The following EGFLAM variants were observed in gnomAD, a reference collection of about 807,000 sequenced individuals.
The protein encoded by EGFLAM is EGF like, fibronectin type III and laminin G domains, also known as pikachurin.
Under a neutral mutation model 113.1 loss-of-function variants are expected in EGFLAM, and 79 were observed. That is an observed-to-expected ratio of 0.70 (90% CI 0.58 to 0.84). EGFLAM has a LOEUF of 0.84. EGFLAM is among the 40% of genes least tolerant of loss of function. The probability of loss-of-function intolerance (pLI) is 0.00; values close to 1 mark genes in which losing one functional copy is unlikely to be tolerated. For missense variants in EGFLAM, 1,265 were observed against 1,291.6 expected, an observed-to-expected ratio of 0.98 and a Z score of 0.32; for synonymous variants, 504 against 487.6, an observed-to-expected ratio of 1.03 and a Z score of -0.44.
At chr5:38,314,447 A>G (rs1738538420) in intron 1 of EGFLAM, among the ~76,000 whole-genome samples, 1 of 152,162 alleles carries the variant, frequency 6.6e-6, no homozygotes, top group African/African-American at 2.4e-5. Flanking sequence ...GAATGTGAGG[A>G]TGTGGGCAGT....
At chr5:38,447,331 C>G (rs1233326989) in intron 17 of EGFLAM, among the ~76,000 whole-genome samples, 1 of 152,310 alleles carries the variant, frequency 6.6e-6, no homozygotes, top group South Asian at 2.1e-4. Flanking sequence ...GCCTAGTGCT[C>G]TCTTAACTAC....
At chr5:38,348,739 G>A (rs1194708520) in intron 3 of EGFLAM, among the ~76,000 whole-genome samples, 2 of 152,088 alleles carry the variant, frequency 1.3e-5, no homozygotes, top group African/African-American at 4.8e-5. Flanking sequence ...CTGTTTTTAA[G>A]GTGTGTGAGT....
chr5:38,405,249 A>G (rs1371611418), intron 6 of EGFLAM, among the ~76,000 whole-genome samples: 1 of 152,212 alleles, frequency 6.6e-6, no homozygotes, highest in Non-Finnish European at 1.5e-5. Context: ...CTTAAGAAAC[A>G]GAATATGATG....
At chr5:38,354,912 TAGA>T (rs1303909022) in intron 5 of EGFLAM, among the ~76,000 whole-genome samples, 2 of 152,136 alleles carry the variant, frequency 1.3e-5, no homozygotes, top group Non-Finnish European at 2.9e-5. Flanking sequence ...CACCTGAAAG[TAGA>T]AGATGAAAGA....
intron 6 of EGFLAM, among the ~76,000 whole-genome samples, chr5:38,404,218 G>A (rs1741206472): frequency 1.3e-5 from 2 of 152,160 alleles, no homozygotes; most frequent in South Asian, 4.1e-4. Context: ...GAGTGCTATG[G>A]TCGGAATGTT....
intron 19 of EGFLAM, among the ~76,000 whole-genome samples, chr5:38,454,061 G>A (rs1743007040): frequency 6.6e-6 from 1 of 152,182 alleles, no homozygotes; most frequent in Non-Finnish European, 1.5e-5. Flanking sequence ...GCTGAACCCA[G>A]GCCGAGGTCG....
At position 38,258,768 on chromosome 5, in the gene EGFLAM, G is replaced by C. The variant is rs371610360; in HGVS notation, c.14G>C (p.Arg5Pro). 13 of 1,610,982 alleles carry C rather than the reference G, an allele frequency of 8.1e-6. No individual in the cohort carries two copies. The Admixed American group carries it at 2.0e-4, about 25-fold the overall frequency. The change falls in exon 1 of 22, where the codon CGA (arginine) becomes CCA (proline). Residue 5 changes from arginine (R) to proline (P), a missense_variant. Arg to Pro is a moderately radical substitution (Grantham distance 103). Coordinates refer to ENST00000322350, the MANE Select transcript of EGFLAM (RefSeq NM_152403.4). Reference protein sequence around the residue: MDLIRGVLLRLLLLA... With the variant: MDLIPGVLLRLLLLA... ...GCCGGCTGCGAAATGGATTTAATCC[G>C]AGGCGTCTTGCTCCGGCTCCTGCTC...
At chr5:38,419,610 T>A (rs1295504793) in intron 12 of EGFLAM, among the ~76,000 whole-genome samples, 1 of 152,220 alleles carries the variant, frequency 6.6e-6, no homozygotes, top group Non-Finnish European at 1.5e-5. Flanking sequence ...TTTTGTTTTG[T>A]TTGTTTTTCT....
intron 6 of EGFLAM, among the ~76,000 whole-genome samples, chr5:38,388,581 T>TA (rs529025586): frequency 6.6e-6 from 1 of 151,224 alleles, no homozygotes; most frequent in Non-Finnish European, 1.5e-5. Context: ...CCATCTCTAC[T>TA]AAAAAAATAT....
intron 1 of EGFLAM, among the ~76,000 whole-genome samples, chr5:38,309,228 T>A (rs555211061): frequency 6.6e-6 from 1 of 152,348 alleles, no homozygotes; most frequent in East Asian, 1.9e-4. Flanking sequence ...TGCACATCTC[T>A]TCCCAAAGTC....
intron 6 of EGFLAM, among the ~76,000 whole-genome samples, chr5:38,396,124 TGAAAACACCAATGATCCACA>T: frequency 6.6e-6 from 1 of 151,798 alleles, no homozygotes; most frequent in African/African-American, 2.4e-5. Context: ...ACTACTCATA[TGAAAACACCAATGATCCACA>T]TTTTTTCTGA....
At chr5:38,427,687 A>G (rs1742061657) in intron 14 of EGFLAM, among the ~76,000 whole-genome samples, 1 of 152,236 alleles carries the variant, frequency 6.6e-6, no homozygotes, top group South Asian at 2.1e-4. Context: ...TTTTTGAACA[A>G]AAATATCCTT....
intron 6 of EGFLAM, among the ~76,000 whole-genome samples, chr5:38,399,307 T>C (rs563331611): frequency 2.8e-4 from 40 of 141,936 alleles, no homozygotes; most frequent in Admixed American, 4.9e-4. Flanking sequence ...AGATGGAGTC[T>C]TACTCTGTCA....
At chr5:38,333,333 G>C (rs892903953) in intron 1 of EGFLAM, among the ~76,000 whole-genome samples, 1 of 152,114 alleles carries the variant, frequency 6.6e-6, no homozygotes, top group African/African-American at 2.4e-5. Context: ...GGGATTGCTG[G>C]GTCGAATGGT....
At chr5:38,298,098 C>T (rs1020409122) in intron 1 of EGFLAM, among the ~76,000 whole-genome samples, 1 of 152,156 alleles carries the variant, frequency 6.6e-6, no homozygotes, top group African/African-American at 2.4e-5. Flanking sequence ...CCAAGCTTGA[C>T]AACGTAGATA....
chr5:38,388,131 A>G (rs917104543), intron 6 of EGFLAM, among the ~76,000 whole-genome samples: 2 of 152,236 alleles, frequency 1.3e-5, no homozygotes, highest in African/African-American at 4.8e-5. Context: ...ATGTACAAAC[A>G]TGATTTGAGA....
intron 20 of EGFLAM, among the ~76,000 whole-genome samples, 181 bp downstream of exon 20, chr5:38,458,575 C>G (rs1474356167): frequency 6.6e-6 from 1 of 152,210 alleles, no homozygotes; most frequent in Non-Finnish European, 1.5e-5. Context: ...TTGACACTAT[C>G]AGGCCAGGGA....
intron 6 of EGFLAM, among the ~76,000 whole-genome samples, chr5:38,380,014 AT>A (rs1419372122): frequency 2.0e-5 from 3 of 152,252 alleles, no homozygotes; most frequent in Non-Finnish European, 4.4e-5. Flanking sequence ...GAAAGCAGTC[AT>A]ACAGTAAATA....
intron 1 of EGFLAM, chr5:38,285,897 A>C (rs1758149951): frequency 1.3e-5 from 2 of 152,096 alleles, no homozygotes; most frequent in African/African-American, 4.8e-5. Flanking sequence ...CCGTCCCACA[A>C]CTTGTGGGAA....
Sources: gnomAD v4.1 joint callset for allele counts (sites outside exome capture counted in the v4.1 genomes callset) on GRCh38, gnomAD v4.1.1 for gene constraint, MANE v1.5 for transcripts, NCBI Gene and HGNC (gene_info 2026-07-23, HGNC 2026-07-21) for gene names.